MIGA1: variants seen among roughly 807,000 people sequenced by gnomAD.
The protein encoded by MIGA1 is mitoguardin 1, also known as family with sequence similarity 73, member A.
In MIGA1, 58 loss-of-function variants were observed where a neutral mutation model predicts 82.0. The ratio of observed to expected loss-of-function variants is 0.71; its 90% CI spans 0.57 to 0.88. The LOEUF (loss-of-function observed/expected upper bound fraction) is 0.88, where lower values mean the gene tolerates loss of function less well. MIGA1 is among the 40% of genes least tolerant of loss of function. MIGA1 has a pLI of 0.00. For missense variants in MIGA1, 751 were observed against 749.1 expected (o/e 1.00, Z -0.03); for synonymous variants, 249 against 253.6 (o/e 0.98, Z 0.17).
At chr1:77,844,402 A>G (rs755651808) in intron 8 of MIGA1, among the ~76,000 whole-genome samples, 24 of 151,970 alleles carry the variant, frequency 1.6e-4, no homozygotes, top group Non-Finnish European at 2.5e-4. Context: ...AAGGAAACAA[A>G]CGTGCGTGAT....
intron 7 of MIGA1, among the ~76,000 whole-genome samples, chr1:77,835,888 C>T (rs534887464): frequency 6.6e-6 from 1 of 151,928 alleles, no homozygotes; most frequent in Admixed American, 6.6e-5. Context: ...GTGGAGGTTG[C>T]AGTGAACCAA....
chr1:77,813,625 A>G lies in MIGA1; in HGVS notation c.638-109A>G, dbSNP rs1210409290. On this transcript the variant is annotated intron_variant, in intron 5 of 15. Transcript: ENST00000370791. ...AATGATGTATGATTCTTTAGTGTCA[A>G]AATTAGACTGTGACATCAGTGATAA... 14 of 1,186,152 alleles carry G rather than the reference A, an allele frequency of 1.2e-5. No individual in the cohort carries two copies. In the South Asian group the frequency reaches 1.6e-4, roughly 14 times the overall value. The allele number at this position is 1,186,152 out of a possible 1,614,324, so 73.5% of individuals were successfully genotyped here.
Position 77,803,301 on chromosome 1 carries a change from G to T in MIGA1, c.405G>T (p.Leu135Phe). Residue 135 changes from leucine to phenylalanine, a missense_variant, in exon 4 of 16, where the codon TTG (leucine) becomes TTT (phenylalanine). This residue lies in a region of MIGA1 where 482 missense variants were observed against 439.4 expected (regional missense o/e 1.10). Transcript: ENST00000370791. Reference sequence around the variant, plus strand: ...GTTGTTCCAGTAGCAGACAGAATTTGACATTATCTTTAAGTTCTACCAAAG... The same window carrying T: ...GTTGTTCCAGTAGCAGACAGAATTTTACATTATCTTTAAGTTCTACCAAAG... 1.9e-6 allele frequency: 3 copies of T among 1,542,450 alleles called. No homozygotes were observed. Among genetic ancestry groups the T allele is most frequent in the South Asian group, 2.6e-5 (2 of 77,738 alleles).
chr1:77,853,225 T>C (rs1402473963), intron 8 of MIGA1: 4 of 152,152 alleles, frequency 2.6e-5, no homozygotes, highest in Non-Finnish European at 5.9e-5. Flanking sequence ...CAGAGAACAT[T>C]GAATCAAGTA....
chr1:77,811,300 G>A, intron 5 of MIGA1: 1 of 1,601,416 alleles, frequency 6.2e-7, no homozygotes, highest in Non-Finnish European at 8.6e-7. Flanking sequence ...TGGTTCCGAT[G>A]GCAACCTTGG....
At chr1:77,816,720 G>A (rs1570953914) in intron 7 of MIGA1, among the ~76,000 whole-genome samples, 1 of 152,040 alleles carries the variant, frequency 6.6e-6, no homozygotes, top group African/African-American at 2.4e-5. Context: ...GGCAGTATTC[G>A]TATCAACAAA....
At chr1:77,808,293 T>C (rs912976510) in intron 5 of MIGA1, among the ~76,000 whole-genome samples, 7 of 152,154 alleles carry the variant, frequency 4.6e-5, no homozygotes, top group Admixed American at 6.6e-5. Context: ...GTTGGGATTC[T>C]TAATTACATC....
intron 13 of MIGA1, among the ~76,000 whole-genome samples, chr1:77,865,775 T>A (rs1685640413): frequency 6.6e-6 from 1 of 151,966 alleles, no homozygotes; most frequent in Non-Finnish European, 1.5e-5. Context: ...TTGTGTTTAA[T>A]TTTTTAAATA....
At chr1:77,799,324 T>G (rs888012263) in intron 2 of MIGA1, among the ~76,000 whole-genome samples, 2 of 152,216 alleles carry the variant, frequency 1.3e-5, no homozygotes. Context: ...GGCTTTGTGT[T>G]ACATGATTTT....
At chr1:77,811,189 C>A in intron 5 of MIGA1, 2 of 1,539,596 alleles carry the variant, frequency 1.3e-6, no homozygotes, top group Non-Finnish European at 1.8e-6. Context: ...TAAGTCTATG[C>A]CATTCAGATC....
rs1571008938 is a variant in MIGA1, at chr1:77,861,061, C to A, written c.1276-163C>A. The A allele has an allele frequency of 2.0e-5, 10 of 511,058 alleles. No homozygotes were observed. In the East Asian group the frequency reaches 2.6e-4, roughly 13 times the overall value. The allele number at this position is 511,058 out of a possible 1,614,324, so 31.7% of individuals were successfully genotyped here. A position where few individuals can be genotyped will look rare whatever the true frequency, so the allele number is the denominator to read the frequency against. The stretch of plus-strand genomic sequence containing the variant: ...TTATCTTGGCTTCTGCAAAATGTTG[C>A]AATAGCAAAGTAGTAAACCAGATAA... On this transcript the variant is annotated intron_variant, in intron 11 of 15. Transcript: ENST00000370791.
At chr1:77,863,822 A>G (rs1339475514) in intron 12 of MIGA1, 72 bp from the exon 13 acceptor site, 1 of 1,143,410 alleles carries the variant, frequency 8.7e-7, no homozygotes, top group East Asian at 2.8e-5. Flanking sequence ...ATAAAACCAT[A>G]AAGCCCTGGC....
intron 8 of MIGA1, 37 bp from the exon 9 acceptor site, chr1:77,858,901 C>A: frequency 1.6e-6 from 2 of 1,239,600 alleles, no homozygotes; most frequent in Non-Finnish European, 2.4e-6. Context: ...GCCACTGCAC[C>A]TAGCCTGTAT....
intron 7 of MIGA1, among the ~76,000 whole-genome samples, chr1:77,822,070 A>T (rs1176094408): frequency 2.0e-5 from 3 of 152,076 alleles, no homozygotes; most frequent in Admixed American, 2.0e-4. Flanking sequence ...CAATCACTCT[A>T]TAGAGGTGGT....
At chr1:77,798,441 G>A (rs1003707837) in intron 2 of MIGA1, among the ~76,000 whole-genome samples, 7 of 152,198 alleles carry the variant, frequency 4.6e-5, no homozygotes, top group Non-Finnish European at 1.0e-4. Flanking sequence ...GGCAAAAGGT[G>A]CGTCTTCCAT....
chr1:77,783,685 A>C (rs532508106), intron 2 of MIGA1, among the ~76,000 whole-genome samples: 70 of 152,354 alleles, frequency 4.6e-4, no homozygotes, highest in African/African-American at 1.7e-3. Flanking sequence ...TAAGGTACAA[A>C]TAACATAAAA....
chr1:77,848,456 A>C (rs1338647684), intron 8 of MIGA1: 1 of 950,350 alleles, frequency 1.1e-6, no homozygotes, highest in African/African-American at 1.7e-5. Context: ...AACAAGAAGT[A>C]AGTGTTTGAT....
chr1:77,874,601 T>A (rs554720701), intron 15 of MIGA1, among the ~76,000 whole-genome samples: 1 of 152,228 alleles, frequency 6.6e-6, no homozygotes, highest in East Asian at 1.9e-4. Context: ...TTTTTGATCA[T>A]CATGTCATCC....
chr1:77,820,063 AAGG>A (rs1186232373), intron 7 of MIGA1, among the ~76,000 whole-genome samples: 2 of 151,870 alleles, frequency 1.3e-5, no homozygotes, highest in East Asian at 3.9e-4. Flanking sequence ...CTGACAGAGT[AAGG>A]AGACTTTTAT....
Sources: allele counts gnomAD v4.1 joint callset (sites outside exome capture counted in the v4.1 genomes callset), GRCh38; gene constraint gnomAD v4.1.1; regional missense constraint gnomAD v4.1.1; transcripts MANE v1.5; gene names NCBI Gene and HGNC (gene_info 2026-07-23, HGNC 2026-07-21).